Variants in DOC2B observed in about 807,000 individuals in gnomAD.
DOC2B encodes double C2 domain beta.
In DOC2B, 21 loss-of-function variants were observed where a neutral mutation model predicts 28.9. That is an observed-to-expected ratio of 0.73 (90% confidence interval 0.52 to 1.05). The LOEUF (loss-of-function observed/expected upper bound fraction) is 1.05. Ranked by LOEUF, DOC2B falls within the 50% of genes least tolerant of loss-of-function variation. The pLI, the probability that DOC2B is intolerant of heterozygous loss-of-function variation, is 0.00. For synonymous variants in DOC2B, 194 were observed against 178.1 expected (o/e 1.09, Z -0.71); for missense variants, 384 against 421.1 (o/e 0.91, Z 0.77).
intron 6 of DOC2B, among the ~76,000 whole-genome samples, chr17:152,083 C>T (rs997687956): frequency 1.3e-5 from 2 of 152,154 alleles, no homozygotes; most frequent in Non-Finnish European, 2.9e-5. Flanking sequence ...GCCACCGGGG[C>T]TCACGGAGCC....
intron 1 of DOC2B, among the ~76,000 whole-genome samples, 183 bp from the exon 2 acceptor site, chr17:172,799 A>G (rs1174199191): frequency 6.6e-6 from 1 of 152,118 alleles, no homozygotes; most frequent in Non-Finnish European, 1.5e-5. Context: ...CAACCCTGGG[A>G]AGTCACAATA....
rs966069409 is a variant in DOC2B, at chr17:142,930, T to C, written c.*4511A>G. On this transcript the variant is annotated 3_prime_UTR_variant, in exon 9 of 9. Coordinates refer to ENST00000613549, the MANE Select transcript of DOC2B (RefSeq NM_003585.5). ...AAAGTGTGGGGATTGCTACTAGTCCTAATACACTAATCTGTGGTTAGGAAG... is the reference window on the plus strand; with the variant it reads ...AAAGTGTGGGGATTGCTACTAGTCCCAATACACTAATCTGTGGTTAGGAAG... The C allele has an allele frequency of 3.3e-5, 5 of 152,348 alleles. No individual in the cohort carries two copies. The highest frequency in any genetic ancestry group is 7.2e-5 in the African/African-American group (3 of 41,582). 9.4% of individuals were successfully genotyped at this position (152,348 alleles called of 1,614,324 possible). A position where few individuals can be genotyped will look rare whatever the true frequency, so the allele number is the denominator to read the frequency against.
intron 2 of DOC2B, among the ~76,000 whole-genome samples, chr17:169,180 G>C (rs964584619): frequency 3.3e-5 from 5 of 152,086 alleles, no homozygotes; most frequent in African/African-American, 1.2e-4. Flanking sequence ...CTGCAATGGG[G>C]ATGAAGCCTG....
chr17:149,742 G>A (rs1010815520), intron 6 of DOC2B, among the ~76,000 whole-genome samples: 2 of 152,150 alleles, frequency 1.3e-5, no homozygotes, highest in Non-Finnish European at 2.9e-5. Flanking sequence ...CTGACCTCAG[G>A]TGATCCACCT....
At chr17:177,721 G>T (rs1451383066) in intron 1 of DOC2B, among the ~76,000 whole-genome samples, 1 of 152,234 alleles carries the variant, frequency 6.6e-6, no homozygotes, top group Admixed American at 6.5e-5. Context: ...CCACATAGTT[G>T]GTGCCGTAAC....
intron 1 of DOC2B, 54 bp from the exon 2 acceptor site, chr17:172,670 C>T (rs752975986): frequency 2.7e-6 from 4 of 1,454,838 alleles, no homozygotes; most frequent in African/African-American, 1.4e-5. Context: ...GGAGAGGCTT[C>T]GCCTGCCCCT....
chr17:161,183 G>A (rs2040198316), intron 5 of DOC2B, among the ~76,000 whole-genome samples: 1 of 152,082 alleles, frequency 6.6e-6, no homozygotes, highest in Non-Finnish European at 1.5e-5. Flanking sequence ...AGCGAGCCTG[G>A]TAAAATGTCA....
intron 6 of DOC2B, among the ~76,000 whole-genome samples, chr17:153,322 G>A (rs2040093325): frequency 6.6e-6 from 1 of 152,224 alleles, no homozygotes; most frequent in South Asian, 2.1e-4. Context: ...TGTCACAGCA[G>A]GTAAGACTCT....
intron 8 of DOC2B, among the ~76,000 whole-genome samples, chr17:147,898 C>T (rs1224755443): frequency 1.3e-5 from 2 of 152,202 alleles, no homozygotes; most frequent in Admixed American, 1.3e-4. Flanking sequence ...GAATTTGGGG[C>T]CTCTAGGGCT....
At chr17:164,984 A>G (rs1026773983) in intron 2 of DOC2B, among the ~76,000 whole-genome samples, 1 of 152,152 alleles carries the variant, frequency 6.6e-6, no homozygotes, top group Non-Finnish European at 1.5e-5. Context: ...TCGGCGGCTC[A>G]CACCAGGCCC....
At chr17:178,953 A>C (rs954724250) in intron 1 of DOC2B, among the ~76,000 whole-genome samples, 4 of 152,216 alleles carry the variant, frequency 2.6e-5, no homozygotes, top group Non-Finnish European at 5.9e-5. Context: ...GTCCCACCCC[A>C]GAACCTGTTC....
intron 6 of DOC2B, among the ~76,000 whole-genome samples, chr17:150,261 T>A (rs1211121555): frequency 6.6e-6 from 1 of 152,230 alleles, no homozygotes; most frequent in Admixed American, 6.5e-5. Context: ...GCCTTGTCCC[T>A]GCTGAATGTG....
At chr17:164,883 A>AG (rs1395334867) in intron 2 of DOC2B, among the ~76,000 whole-genome samples, 1 of 152,186 alleles carries the variant, frequency 6.6e-6, no homozygotes, top group Non-Finnish European at 1.5e-5. Context: ...ACAGGGATGC[A>AG]GGGAGGCAGC....
chr17:152,403 G>A (rs986022469), intron 6 of DOC2B, among the ~76,000 whole-genome samples: 5 of 152,166 alleles, frequency 3.3e-5, no homozygotes, highest in African/African-American at 9.7e-5. Context: ...AAACCCTCAA[G>A]AGCTGGGCCT....
In DOC2B at chr17:156,228, G is replaced by A. The variant is rs1002922252; in HGVS notation, c.915C>T (p.Tyr305=). 13 of 1,549,496 alleles carry A rather than the reference G, an allele frequency of 8.4e-6. No homozygotes were observed. The highest frequency in any genetic ancestry group is 2.7e-5 in the African/African-American group (2 of 73,000). ...AMDANGYSDP[Y]VKTYLRPDVD... is the part of the protein sequence containing the mutation. Reference sequence around the variant, plus strand: ...GCGCACGGCACACTCACGTTTTCACGTAGGGGTCCGAGTAGCCGTTGGCGT... The same window carrying A: ...GCGCACGGCACACTCACGTTTTCACATAGGGGTCCGAGTAGCCGTTGGCGT... The change falls in exon 6 of 9, where the codon TAC becomes TAT. Residue 305 remains tyrosine, a synonymous_variant. Coordinates refer to ENST00000613549, the MANE Select transcript of DOC2B (RefSeq NM_003585.5).
At chr17:174,913 G>A (rs562397894) in intron 1 of DOC2B, among the ~76,000 whole-genome samples, 7 of 152,174 alleles carry the variant, frequency 4.6e-5, no homozygotes, top group Non-Finnish European at 7.3e-5. Flanking sequence ...GAGCTCAGGA[G>A]TTCGAGACCA....
chr17:147,921 C>A (rs1196213314), intron 8 of DOC2B, among the ~76,000 whole-genome samples: 1 of 152,162 alleles, frequency 6.6e-6, no homozygotes, highest in Admixed American at 6.5e-5. Flanking sequence ...GAGTCCAGCC[C>A]GAGGCACTGC....
chr17:175,304 C>G (rs989437262), intron 1 of DOC2B, among the ~76,000 whole-genome samples: 2 of 152,216 alleles, frequency 1.3e-5, no homozygotes, highest in African/African-American at 4.8e-5. Context: ...GGTATGTGTG[C>G]AGCAGCAATA....
intron 3 of DOC2B, among the ~76,000 whole-genome samples, chr17:162,576 G>C (rs539899964): frequency 6.6e-6 from 1 of 152,214 alleles, no homozygotes; most frequent in Non-Finnish European, 1.5e-5. Flanking sequence ...TGGGCTCCCC[G>C]GGCTCCAGAA....
Sources: gnomAD v4.1 joint callset for allele counts (sites outside exome capture counted in the v4.1 genomes callset) on GRCh38, gnomAD v4.1.1 for gene constraint, MANE v1.5 for transcripts, NCBI Gene and HGNC (gene_info 2026-07-23, HGNC 2026-07-21) for gene names.